Variants in DPP6 observed in about 807,000 individuals in gnomAD.
DPP6 encodes the protein dipeptidyl peptidase like 6.
Under a neutral mutation model 122.6 loss-of-function variants are expected in DPP6, and 69 were observed. That is an observed-to-expected ratio of 0.56 (90% CI 0.46 to 0.69). The LOEUF (loss-of-function observed/expected upper bound fraction) is 0.69, where lower values mean the gene tolerates loss of function less well. Ranked by LOEUF, DPP6 falls within the 30% of genes least tolerant of loss-of-function variation. The pLI is 0.00. For missense variants in DPP6, 928 were observed against 1,116.9 expected, an observed-to-expected ratio of 0.83 and a Z score of 2.41; for synonymous variants, 418 against 433.1, an observed-to-expected ratio of 0.97 and a Z score of 0.43.
In DPP6 at chr7:154,493,006, C is replaced by T. The variant is rs377308607; in HGVS notation, c.457+17969C>T. 2.6e-5 allele frequency among the ~76,000 whole-genome samples: 4 copies of T among 152,168 alleles called. No individual in the cohort carries two copies. In the East Asian group the frequency reaches 5.8e-4, roughly 22 times the overall value. The stretch of plus-strand genomic sequence containing the variant: ...CTTCTTAAACATGGCCCAGTGACCC[C>T]CGTGTGCGGGTTAAACTCGAGATTC... On this transcript the variant is annotated intron_variant, in intron 3 of 25. Transcript: ENST00000377770.
chr7:154,861,024 G>C (rs1803347238), intron 17 of DPP6, among the ~76,000 whole-genome samples: 1 of 152,242 alleles, frequency 6.6e-6, no homozygotes, highest in African/African-American at 2.4e-5. Context: ...TTCGAAAGCA[G>C]CCTGGTGCCT....
chr7:154,011,753 T>A, intron 1 of DPP6, among the ~76,000 whole-genome samples: 1 of 152,144 alleles, frequency 6.6e-6, no homozygotes, highest in East Asian at 1.9e-4. Context: ...TCTTAAAAAA[T>A]TGCCAAATGT....
In DPP6 at chr7:154,100,963, C is replaced by T. The variant is rs187710807; in HGVS notation, c.243+47900C>T. On this transcript the variant is annotated intron_variant, in intron 1 of 25. Coordinates refer to ENST00000377770, the MANE Select transcript of DPP6 (RefSeq NM_130797.4). Reference sequence around the variant, plus strand: ...AGACCCCAAACGAGGCTCACCTCCCCGTGACCGTGCAGCGTGCTGCTGGTC... The same window carrying T: ...AGACCCCAAACGAGGCTCACCTCCCTGTGACCGTGCAGCGTGCTGCTGGTC... Among the ~76,000 whole-genome samples the T allele has an allele frequency of 9.3e-3, 1,306 of 141,120 alleles. 66 individuals are homozygous for T. Among genetic ancestry groups the T allele is most frequent in the African/African-American group, 0.03 (1,183 of 40,066 alleles). 92.6% of individuals were successfully genotyped at this position (141,120 alleles called of 152,430 possible).
At chr7:153,893,770 G>T (rs1799301088) in intron 1 of DPP6, among the ~76,000 whole-genome samples, 1 of 152,238 alleles carries the variant, frequency 6.6e-6, no homozygotes, top group Non-Finnish European at 1.5e-5. Flanking sequence ...GGCATACACA[G>T]ACCAGTGGTC....
At chr7:154,099,340 A>G (rs1805571502) in intron 1 of DPP6, among the ~76,000 whole-genome samples, 1 of 152,182 alleles carries the variant, frequency 6.6e-6, no homozygotes, top group Non-Finnish European at 1.5e-5. Flanking sequence ...AGCAGTGAGC[A>G]ACAAAAAACC....
intron 7 of DPP6, among the ~76,000 whole-genome samples, chr7:154,670,767 C>G (rs1258882752): frequency 2.6e-5 from 4 of 152,176 alleles, no homozygotes; most frequent in African/African-American, 7.2e-5. Flanking sequence ...TGTCATCTAT[C>G]TTACAAATGA....
chr7:154,120,737 C>G (rs1250809658), intron 1 of DPP6, among the ~76,000 whole-genome samples: 1 of 152,158 alleles, frequency 6.6e-6, no homozygotes, highest in Non-Finnish European at 1.5e-5. Context: ...ACATGAGGAA[C>G]TCTGGTTTCA....
At chr7:154,749,414 G>T (rs1087701) in intron 8 of DPP6, among the ~76,000 whole-genome samples, 142 of 52,902 alleles carry the variant, frequency 2.7e-3, no homozygotes, top group African/African-American at 3.4e-3. Context: ...ACTGAGAGAG[G>T]GTGAGGGAGC....
intron 8 of DPP6, among the ~76,000 whole-genome samples, chr7:154,757,312 G>T (rs912466568): frequency 6.6e-6 from 1 of 152,136 alleles, no homozygotes; most frequent in Non-Finnish European, 1.5e-5. Flanking sequence ...TTTCCAATGG[G>T]TGTGCAGGTC....
the DPP6 span, among the ~76,000 whole-genome samples, chr7:153,824,369 A>T: frequency 7.7e-6 from 1 of 130,452 alleles, no homozygotes; most frequent in Non-Finnish European, 1.6e-5. Flanking sequence ...CCTGGGCAAC[A>T]GAGGGAGAGT....
rs976246986 is a variant in DPP6, at chr7:154,575,769, G to A, written c.627+8853G>A. On this transcript the variant is annotated intron_variant, in intron 5 of 25. Coordinates refer to ENST00000377770, the MANE Select transcript of DPP6 (RefSeq NM_130797.4). ...TGTGTGGTGTGTATGTATGTGTGGT[G>A]TGTGTATGTATGTGTGGTGTGTGTA... Among the ~76,000 whole-genome samples the A allele has an allele frequency of 8.3e-3, 1,238 of 149,240 alleles. 16 individuals are homozygous for A. Among genetic ancestry groups the A allele is most frequent in the African/African-American group, 0.028 (1,151 of 40,432 alleles).
chr7:154,696,337 G>A (rs758266762), intron 7 of DPP6, among the ~76,000 whole-genome samples: 1 of 152,192 alleles, frequency 6.6e-6, no homozygotes, highest in Non-Finnish European at 1.5e-5. Context: ...GGTTACACGG[G>A]ACCCAGTGAC....
In DPP6 at chr7:154,259,013, G is replaced by T. The variant is rs551782951; in HGVS notation, c.244-187201G>T. On this transcript the variant is annotated intron_variant, in intron 1 of 25. Transcript: ENST00000377770. Reference sequence around the variant, plus strand: ...TATAGTTGTGAGTGTTTGGGAAGAGGTAGAAGCAAAGGTGTTGAAATCGGA... The same window carrying T: ...TATAGTTGTGAGTGTTTGGGAAGAGTTAGAAGCAAAGGTGTTGAAATCGGA... Among the ~76,000 whole-genome samples, 115 of 152,254 alleles carry T rather than the reference G, an allele frequency of 7.6e-4. 1 individual carries two copies. The highest frequency in any genetic ancestry group is 1.5e-3 in the Non-Finnish European group (104 of 68,006).
intron 1 of DPP6, among the ~76,000 whole-genome samples, chr7:154,432,478 CT>C (rs1316327562): frequency 6.6e-6 from 1 of 152,140 alleles, no homozygotes; most frequent in Non-Finnish European, 1.5e-5. Context: ...ATGAGATAGC[CT>C]TTTAATAGAG....
intron 1 of DPP6, among the ~76,000 whole-genome samples, chr7:153,893,400 C>A (rs971800599): frequency 1.3e-5 from 2 of 152,176 alleles, no homozygotes. Context: ...CATTCGTCCC[C>A]ATGGACAAGG....
At chr7:154,009,605 C>T (rs534320094) in intron 1 of DPP6, among the ~76,000 whole-genome samples, 1 of 152,094 alleles carries the variant, frequency 6.6e-6, no homozygotes, top group East Asian at 1.9e-4. Context: ...CTCTTGTGTC[C>T]CTGCCATGGC....
intron 1 of DPP6, among the ~76,000 whole-genome samples, chr7:154,110,873 G>T (rs1356420203): frequency 6.6e-6 from 1 of 151,910 alleles, no homozygotes; most frequent in African/African-American, 2.4e-5. Context: ...AAATACAAGA[G>T]AAAGCAAGAG....
intron 1 of DPP6, among the ~76,000 whole-genome samples, chr7:154,236,897 C>T (rs188159829): frequency 2.6e-5 from 4 of 152,208 alleles, no homozygotes; most frequent in Admixed American, 2.0e-4. Context: ...GGAGGGTTTC[C>T]CCGGTGCTCC....
chr7:154,757,190 C>T (rs887750687), intron 8 of DPP6, among the ~76,000 whole-genome samples: 1 of 151,470 alleles, frequency 6.6e-6, no homozygotes, highest in African/African-American at 2.4e-5. Context: ...CCATCCCTCA[C>T]GTTCCCTGAG....
Sources: gnomAD v4.1 joint callset for allele counts (sites outside exome capture counted in the v4.1 genomes callset) on GRCh38, gnomAD v4.1.1 for gene constraint, MANE v1.5 for transcripts, NCBI Gene and HGNC (gene_info 2026-07-23, HGNC 2026-07-21) for gene names.